Variants in ADGRL2 observed in about 807,000 individuals in gnomAD.
ADGRL2 encodes calcium-independent alpha-latrotoxin receptor 2.
A neutral mutation model predicts 157.4 loss-of-function variants in ADGRL2; 44 were observed. That is an observed-to-expected ratio of 0.28 (90% CI 0.22 to 0.36). ADGRL2 has a LOEUF of 0.36. Among genes scored for constraint, ADGRL2 ranks in the 10% least tolerant of loss-of-function variants. The pLI, the probability that ADGRL2 is intolerant of heterozygous loss-of-function variation, is 1.00. For missense variants in ADGRL2, 1,510 were observed against 1,768.9 expected (o/e 0.85, Z 2.63); for synonymous variants, 585 against 624.7 (o/e 0.94, Z 0.95).
chr1:81,532,794 C>T (rs922452022), intron 2 of ADGRL2, among the ~76,000 whole-genome samples: 1 of 151,642 alleles, frequency 6.6e-6, no homozygotes, highest in Non-Finnish European at 1.5e-5. Context: ...GTGACACATG[C>T]CTGTGGTCCC....
At chr1:81,905,947 AGTGT>A (rs3046460) in intron 2 of ADGRL2, among the ~76,000 whole-genome samples, 3,461 of 144,482 alleles carry the variant, frequency 0.024, 59 homozygotes, top group African/African-American at 0.058. Context: ...AAAAAAGCAG[AGTGT>A]GTGTGTGTGT....
chr1:81,353,012 G>C (rs1402949360), intron 1 of ADGRL2, among the ~76,000 whole-genome samples: 6 of 152,206 alleles, frequency 3.9e-5, no homozygotes, highest in Admixed American at 3.3e-4. Flanking sequence ...AAGCGTTGGA[G>C]GTAATAATAT....
chr1:81,853,236 TC>T (rs2093079256), intron 2 of ADGRL2, among the ~76,000 whole-genome samples: 1 of 152,168 alleles, frequency 6.6e-6, no homozygotes, highest in South Asian at 2.1e-4. Context: ...TCTCCACTAA[TC>T]GAGAGAGTGC....
At chr1:81,493,466 T>G (rs1557732872) in intron 2 of ADGRL2, among the ~76,000 whole-genome samples, 1 of 152,200 alleles carries the variant, frequency 6.6e-6, no homozygotes, top group Non-Finnish European at 1.5e-5. Flanking sequence ...ACGCTTGTGC[T>G]CTCCTATTTT....
At chr1:81,328,165 A>C (rs1254326193) in intron 1 of ADGRL2, among the ~76,000 whole-genome samples, 1 of 152,162 alleles carries the variant, frequency 6.6e-6, no homozygotes, top group African/African-American at 2.4e-5. Flanking sequence ...TTCAGAAGAG[A>C]CTGAGTGCCA....
chr1:81,702,130 G>A (rs758142214), intron 1 of ADGRL2, among the ~76,000 whole-genome samples: 15 of 152,150 alleles, frequency 9.9e-5, no homozygotes, highest in Non-Finnish European at 4.4e-5. Flanking sequence ...ATATATTGAA[G>A]AGGAAGGCTG....
chr1:81,350,834 C>T (rs1662827753), intron 1 of ADGRL2, among the ~76,000 whole-genome samples: 2 of 152,042 alleles, frequency 1.3e-5, no homozygotes, highest in South Asian at 2.1e-4. Context: ...TTGACATTAT[C>T]GCAATAGCAT....
intron 2 of ADGRL2, among the ~76,000 whole-genome samples, chr1:81,510,942 A>G (rs190145511): frequency 1.5e-4 from 23 of 152,330 alleles, no homozygotes; most frequent in African/African-American, 5.3e-4. Context: ...AATGAAGAGC[A>G]TGGCCTGCAA....
chr1:81,441,658 C>T (rs538171045), intron 1 of ADGRL2, among the ~76,000 whole-genome samples: 7 of 152,236 alleles, frequency 4.6e-5, no homozygotes, highest in African/African-American at 1.7e-4. Flanking sequence ...AGCCCTCAGC[C>T]TCCCGAGTTG....
chr1:81,636,337 T>C (rs1461511775), intron 3 of ADGRL2, among the ~76,000 whole-genome samples: 1 of 152,228 alleles, frequency 6.6e-6, no homozygotes, highest in Non-Finnish European at 1.5e-5. Flanking sequence ...TCATTTACTT[T>C]TTAATAATTA....
chr1:81,663,408 A>G (rs1314848130), intron 3 of ADGRL2, among the ~76,000 whole-genome samples: 1 of 152,136 alleles, frequency 6.6e-6, no homozygotes, highest in Non-Finnish European at 1.5e-5. Context: ...TTAAGCTTCT[A>G]TCAGCTGGCC....
intron 2 of ADGRL2, among the ~76,000 whole-genome samples, chr1:81,500,432 A>C (rs1264094648): frequency 6.6e-6 from 1 of 152,234 alleles, no homozygotes; most frequent in Non-Finnish European, 1.5e-5. Context: ...TGGATAAACA[A>C]AATGTGGTAT....
intron 2 of ADGRL2, among the ~76,000 whole-genome samples, chr1:81,872,604 C>G (rs1230075747): frequency 1.3e-5 from 2 of 152,018 alleles, no homozygotes; most frequent in Non-Finnish European, 2.9e-5. Flanking sequence ...GCTTACTGGA[C>G]TTTTGTGTTT....
At chr1:81,796,737 G>T (rs2087609010), upstream of ADGRL2, among the ~76,000 whole-genome samples, 1 of 152,112 alleles carries the variant, frequency 6.6e-6, no homozygotes, top group African/African-American at 2.4e-5. Context: ...ATTACCAAAT[G>T]ACAGCTATTA....
intron 1 of ADGRL2, among the ~76,000 whole-genome samples, chr1:81,835,333 CTG>C (rs1454245285): frequency 6.6e-6 from 1 of 152,138 alleles, no homozygotes; most frequent in Non-Finnish European, 1.5e-5. Flanking sequence ...ATCGAACAGA[CTG>C]TAAGAATATA....
chr1:81,837,009 C>G lies in ADGRL2; in HGVS notation c.25C>G (p.Arg9Gly), dbSNP rs909612501. The G allele has an allele frequency of 3.1e-6, 5 of 1,591,250 alleles. No homozygotes were observed. Among genetic ancestry groups the G allele is most frequent in the Non-Finnish European group, 4.3e-6 (5 of 1,169,724 alleles). MVSSGCRM[R>G]SLWFIIVISF... is the part of the protein sequence containing the mutation. ...AATGGTGTCTTCTGGTTGCAGAATG[C>G]GAAGTCTGTGGTTTATCATTGTAAT... Residue 9 changes from arginine to glycine, a missense_variant, in exon 2 of 24, where the codon CGA becomes GGA. Physicochemically the swap from Arg to Gly is moderately radical, Grantham distance 125. Around this residue, in one of 4 missense-constraint regions of ADGRL2, gnomAD observed 361 missense variants for 498.4 expected, o/e 0.72. Coordinates refer to ENST00000686636, the MANE Select transcript of ADGRL2 (RefSeq NM_001366006.2).
rs1026024148 is a variant in ADGRL2, at chr1:81,677,045, G to A, written c.-142-84766G>A. On this transcript the variant is annotated intron_variant, in intron 3 of 24. Transcript: ENST00000370721. ...CTTGTTGCCCAGGCTGGAGTGCAAT[G>A]GCACGATCTCGGCTCATCGCAACTC... Among the ~76,000 whole-genome samples, 5 of 150,434 alleles carry A rather than the reference G, an allele frequency of 3.3e-5. No homozygotes were observed. The East Asian group carries it at 9.8e-4, about 29-fold the overall frequency.
chr1:81,391,707 T>C (rs1381397829), intron 1 of ADGRL2, among the ~76,000 whole-genome samples: 1 of 152,158 alleles, frequency 6.6e-6, no homozygotes, highest in Non-Finnish European at 1.5e-5. Flanking sequence ...CCACTTACAC[T>C]TCACTCTCCA....
At position 81,990,886 on chromosome 1, in the gene ADGRL2, G is replaced by A; in HGVS notation, c.4151G>A (p.Ser1384Asn). The A allele has an allele frequency of 5.0e-6, 8 of 1,614,060 alleles. No individual in the cohort carries two copies. The highest frequency in any genetic ancestry group is 6.8e-6 in the Non-Finnish European group (8 of 1,180,004). Residue 1384 changes from serine to asparagine, a missense_variant, in exon 24 of 24, where the codon AGC becomes AAC. Ser to Asn is a conservative substitution (Grantham distance 46). Coordinates refer to ENST00000686636, the MANE Select transcript of ADGRL2 (RefSeq NM_001366006.2). ...QSPNRDSLYT[S>N]MPNLRDSPYP... ...CCCAACAGAGACTCTCTTTATACAAGCATGCCCAATCTTAGAGACTCTCCC... is the reference window on the plus strand; with the variant it reads ...CCCAACAGAGACTCTCTTTATACAAACATGCCCAATCTTAGAGACTCTCCC...
Sources: gnomAD v4.1 joint callset for allele counts (sites outside exome capture counted in the v4.1 genomes callset) on GRCh38, gnomAD v4.1.1 for gene constraint, gnomAD v4.1.1 regional missense constraint, MANE v1.5 for transcripts, NCBI Gene and HGNC (gene_info 2026-07-23, HGNC 2026-07-21) for gene names.